The following PDE4D variants were observed in gnomAD, a reference collection of about 807,000 sequenced individuals.
PDE4D encodes phosphodiesterase 4D, also known as 3',5'-cyclic-AMP phosphodiesterase 4D.
Under a neutral mutation model 87.4 loss-of-function variants are expected in PDE4D, and 24 were observed. The ratio of observed to expected loss-of-function variants is 0.27; its 90% CI spans 0.20 to 0.39. The LOEUF (loss-of-function observed/expected upper bound fraction) is 0.39, where lower values mean the gene tolerates loss of function less well. Ranked by LOEUF, PDE4D falls within the 10% of genes least tolerant of loss-of-function variation. The pLI is 1.00. For synonymous variants in PDE4D, 384 were observed against 383.2 expected (o/e 1.00, Z -0.02); for missense variants, 714 against 1,041.0 (o/e 0.69, Z 4.32).
At chr5:59,814,538 C>G (rs541053017) in intron 1 of PDE4D, among the ~76,000 whole-genome samples, 1 of 152,160 alleles carries the variant, frequency 6.6e-6, no homozygotes, top group Non-Finnish European at 1.5e-5. Flanking sequence ...ATGACACCAA[C>G]AGAAGAAACC....
intron 3 of PDE4D, among the ~76,000 whole-genome samples, chr5:59,922,680 G>A (rs1194218182): frequency 6.6e-6 from 1 of 152,110 alleles, no homozygotes; most frequent in African/African-American, 2.4e-5. Context: ...AGAGCCCTTG[G>A]CCCCTGAATA....
At chr5:60,049,428 C>G (rs553259568) in intron 2 of PDE4D, among the ~76,000 whole-genome samples, 1 of 152,308 alleles carries the variant, frequency 6.6e-6, no homozygotes. Context: ...TTCCTTTGGA[C>G]GAGGAGAGGC....
chr5:59,314,210 C>T (rs1304008546), intron 1 of PDE4D: 3 of 152,056 alleles, frequency 2.0e-5, no homozygotes, highest in Non-Finnish European at 4.4e-5. Context: ...GAGGGAAGTT[C>T]TAAAAGAACT....
chr5:60,109,945 G>C lies in PDE4D; in HGVS notation c.42+75612C>G, dbSNP rs1246232452. 7.2e-5 allele frequency among the ~76,000 whole-genome samples: 11 copies of C among 151,854 alleles called. No individual in the cohort carries two copies. In the East Asian group the frequency reaches 1.2e-3, roughly 16 times the overall value. ...GTTAATGGGTGCAGCACACCAGCAT[G>C]GCACATGTATACATATGTAACTAAC... is the stretch of plus-strand genomic sequence containing the variant. On this transcript the variant is annotated intron_variant, in intron 2 of 16. Coordinates refer to the PDE4D transcript ENST00000502484.
chr5:59,886,399 C>A (rs1750155893), intron 1 of PDE4D, among the ~76,000 whole-genome samples: 1 of 152,058 alleles, frequency 6.6e-6, no homozygotes, highest in African/African-American at 2.4e-5. Flanking sequence ...CGCCTGTAGT[C>A]CCAGCTACTC....
At chr5:60,100,910 T>A (rs146301098) in intron 2 of PDE4D, among the ~76,000 whole-genome samples, 1 of 152,194 alleles carries the variant, frequency 6.6e-6, no homozygotes, top group East Asian at 1.9e-4. Context: ...AATACATCCA[T>A]CTGTGAGAAG....
intron 1 of PDE4D, among the ~76,000 whole-genome samples, chr5:60,324,250 T>C (rs1306806055): frequency 1.3e-5 from 2 of 152,228 alleles, no homozygotes; most frequent in Non-Finnish European, 2.9e-5. Flanking sequence ...TAGTCTGAAT[T>C]TGAATATTTT....
intron 2 of PDE4D, among the ~76,000 whole-genome samples, chr5:60,121,540 G>A (rs1007805163): frequency 1.3e-5 from 2 of 152,066 alleles, no homozygotes; most frequent in African/African-American, 2.4e-5. Context: ...TACAAAAGTG[G>A]AAACCCCTGA....
chr5:60,003,145 C>A (rs1317208094), intron 2 of PDE4D, among the ~76,000 whole-genome samples: 1 of 151,990 alleles, frequency 6.6e-6, no homozygotes, highest in East Asian at 1.9e-4. Context: ...GAAAAACAAT[C>A]CCATTTAATA....
At chr5:59,622,512 T>C (rs972612237) in intron 1 of PDE4D, among the ~76,000 whole-genome samples, 16 of 152,188 alleles carry the variant, frequency 1.1e-4, no homozygotes, top group Non-Finnish European at 1.8e-4. Flanking sequence ...CCTTAATGTA[T>C]GGCTATTATT....
At chr5:60,007,709 G>A (rs1045374226) in intron 2 of PDE4D, among the ~76,000 whole-genome samples, 1 of 151,856 alleles carries the variant, frequency 6.6e-6, no homozygotes, top group Non-Finnish European at 1.5e-5. Context: ...CTTGTTTCAT[G>A]ACCCTCTACT....
At chr5:59,845,785 A>C (rs1453676521) in intron 1 of PDE4D, among the ~76,000 whole-genome samples, 1 of 152,078 alleles carries the variant, frequency 6.6e-6, no homozygotes, top group Non-Finnish European at 1.5e-5. Flanking sequence ...TTTTTATGTA[A>C]AAATCACTTA....
chr5:59,382,727 A>G (rs1786148486), intron 1 of PDE4D, among the ~76,000 whole-genome samples: 1 of 151,998 alleles, frequency 6.6e-6, no homozygotes, highest in South Asian at 2.1e-4. Flanking sequence ...GGGGTGCTAA[A>G]TCCAAACAAT....
At chr5:59,452,955 C>CTT (rs59729469) in intron 1 of PDE4D, among the ~76,000 whole-genome samples, 13 of 132,440 alleles carry the variant, frequency 9.8e-5, no homozygotes, top group African/African-American at 3.0e-4. Flanking sequence ...GCAGAGATGG[C>CTT]TTTTTTTTTT....
intron 5 of PDE4D, among the ~76,000 whole-genome samples, chr5:59,071,686 T>TTTG (rs1286442015): frequency 1.6e-5 from 2 of 126,642 alleles, no homozygotes; most frequent in Non-Finnish European, 3.4e-5. Flanking sequence ...TTCTCTTCTT[T>TTTG]TTTTTTTTTT....
intron 1 of PDE4D, among the ~76,000 whole-genome samples, chr5:59,235,476 A>T (rs114160637): frequency 0.014 from 2,082 of 152,270 alleles, 45 homozygotes; most frequent in African/African-American, 0.047. Context: ...AGGCTCAGGA[A>T]GGAGGGCAAT....
intron 1 of PDE4D, among the ~76,000 whole-genome samples, chr5:59,504,400 G>T (rs1055098925): frequency 5.3e-5 from 8 of 152,084 alleles, no homozygotes; most frequent in Non-Finnish European, 1.0e-4. Flanking sequence ...AGGTTCAAAA[G>T]GAAAGTCCAC....
intron 1 of PDE4D, among the ~76,000 whole-genome samples, chr5:59,375,857 T>A (rs910666422): frequency 6.6e-6 from 1 of 152,222 alleles, no homozygotes; most frequent in African/African-American, 2.4e-5. Context: ...GTAGGCTTCA[T>A]CCTTGAGATG....
At chr5:60,425,922 C>T (rs1287354934) in intron 1 of PDE4D, among the ~76,000 whole-genome samples, 1 of 152,148 alleles carries the variant, frequency 6.6e-6, no homozygotes, top group Non-Finnish European at 1.5e-5. Flanking sequence ...AGCCAACAGA[C>T]ACATGAAAAA....
Sources: allele counts gnomAD v4.1 joint callset (sites outside exome capture counted in the v4.1 genomes callset), GRCh38; gene constraint gnomAD v4.1.1; transcripts MANE v1.5; gene names NCBI Gene and HGNC (gene_info 2026-07-23, HGNC 2026-07-21).